Variants in FER1L6 observed in about 807,000 individuals in gnomAD.
FER1L6 encodes the protein fer-1 like family member 6.
In FER1L6, 177 loss-of-function variants were observed where a neutral mutation model predicts 219.2. That is an observed-to-expected ratio of 0.81 (90% confidence interval 0.71 to 0.91). FER1L6 has a LOEUF of 0.91. FER1L6 is among the 40% of genes least tolerant of loss of function. The pLI is 0.00. For missense variants in FER1L6, 2,153 were observed against 2,259.9 expected (o/e 0.95, Z 0.96); for synonymous variants, 768 against 824.3 (o/e 0.93, Z 1.17).
chr8:124,049,465 A>G, intron 21 of FER1L6, 142 bp from the exon 22 acceptor site: 1 of 946,806 alleles, frequency 1.1e-6, no homozygotes, highest in South Asian at 1.7e-5. Flanking sequence ...AATGGGCAAG[A>G]GGAGCTTGGC....
chr8:123,871,626 T>C (rs558403748), intron 1 of FER1L6, among the ~76,000 whole-genome samples: 2 of 152,310 alleles, frequency 1.3e-5, no homozygotes, highest in South Asian at 2.1e-4. Flanking sequence ...GTAAATAGAA[T>C]AGATAAATCT....
chr8:123,854,158 C>A (rs543574360), intron 1 of FER1L6, among the ~76,000 whole-genome samples: 2 of 152,170 alleles, frequency 1.3e-5, no homozygotes, highest in African/African-American at 4.8e-5. Flanking sequence ...ATAACATAAA[C>A]AATGCCTTAT....
chr8:124,107,458 G>A (rs1822827944), intron 39 of FER1L6, among the ~76,000 whole-genome samples: 1 of 152,102 alleles, frequency 6.6e-6, no homozygotes, highest in Non-Finnish European at 1.5e-5. Context: ...TTACACAGTG[G>A]CGAATGGATG....
chr8:123,901,555 TGGTTC>T (rs1197498770), intron 1 of FER1L6, among the ~76,000 whole-genome samples: 2 of 134,726 alleles, frequency 1.5e-5, no homozygotes, highest in African/African-American at 2.8e-5. Flanking sequence ...TGGTTTGGTT[TGGTTC>T]TTGTTTCTCT....
chr8:123,886,376 G>T (rs1248248766), intron 1 of FER1L6, among the ~76,000 whole-genome samples: 1 of 152,160 alleles, frequency 6.6e-6, no homozygotes, highest in Non-Finnish European at 1.5e-5. Flanking sequence ...GCTCTCACAA[G>T]AGTGGATTAT....
intron 1 of FER1L6, among the ~76,000 whole-genome samples, chr8:123,908,003 A>G (rs904877273): frequency 3.9e-5 from 6 of 152,066 alleles, no homozygotes; most frequent in Admixed American, 1.3e-4. Flanking sequence ...TTAGTCTGTG[A>G]ACCTCCCAGA....
intron 39 of FER1L6, among the ~76,000 whole-genome samples, chr8:124,104,794 C>T (rs1048947022): frequency 3.3e-5 from 5 of 152,162 alleles, no homozygotes; most frequent in Non-Finnish European, 5.9e-5. Context: ...TATATACAGA[C>T]TCCTGTTATT....
At chr8:124,064,257 C>T in intron 25 of FER1L6, 90 bp from the exon 26 acceptor site, 1 of 982,920 alleles carries the variant, frequency 1.0e-6, no homozygotes, top group South Asian at 1.4e-5. Flanking sequence ...GTATTTGAAT[C>T]CGAATCTGTC....
intron 1 of FER1L6, among the ~76,000 whole-genome samples, chr8:123,857,082 A>G (rs779009772): frequency 6.6e-6 from 1 of 152,210 alleles, no homozygotes; most frequent in Non-Finnish European, 1.5e-5. Context: ...ACTTTTTCCA[A>G]CCACTGCCAT....
At position 124,070,579 on chromosome 8, in the gene FER1L6, G is replaced by A. The variant is rs770709548; in HGVS notation, c.3947G>A (p.Arg1316Gln). The stretch of plus-strand genomic sequence containing the variant: ...GATGACCATGGTCTTGATGGAGACC[G>A]AGTCATAGGAAAATTTAAGGCAGGT... Reference protein sequence around the residue: ...TEDDHGLDGDRVIGKFKGSFC... With the variant: ...TEDDHGLDGDQVIGKFKGSFC... Residue 1316 changes from arginine (R) to glutamine (Q), a missense_variant, in exon 30 of 41, where the codon CGA (arginine) becomes CAA (glutamine). Transcript: ENST00000522917. The A allele has an allele frequency of 2.1e-5, 34 of 1,588,362 alleles. No individual in the cohort carries two copies. Among genetic ancestry groups the A allele is most frequent in the Non-Finnish European group, 2.7e-5 (32 of 1,171,472 alleles).
chr8:123,859,651 C>A, intron 1 of FER1L6, among the ~76,000 whole-genome samples: 3 of 142,478 alleles, frequency 2.1e-5, no homozygotes, highest in East Asian at 2.0e-4. Context: ...GCTGCACCCA[C>A]TAACTCGTCA....
At chr8:124,073,895 A>T (rs1821176425) in intron 31 of FER1L6, among the ~76,000 whole-genome samples, 1 of 152,202 alleles carries the variant, frequency 6.6e-6, no homozygotes. Context: ...ATGTGACAAG[A>T]AGAAATGGGA....
intron 12 of FER1L6, among the ~76,000 whole-genome samples, chr8:123,987,759 C>T (rs1031771040): frequency 6.6e-6 from 1 of 152,142 alleles, no homozygotes; most frequent in African/African-American, 2.4e-5. Context: ...GTTTTCCCAG[C>T]ACCATTTATT....
intron 11 of FER1L6, among the ~76,000 whole-genome samples, chr8:123,983,681 GA>G (rs1185541625): frequency 6.6e-6 from 1 of 152,176 alleles, no homozygotes; most frequent in Non-Finnish European, 1.5e-5. Flanking sequence ...GCCTGCATTT[GA>G]ACCTGAGTAA....
At chr8:123,997,772 C>T (rs952368885) in intron 12 of FER1L6, among the ~76,000 whole-genome samples, 5 of 151,990 alleles carry the variant, frequency 3.3e-5, no homozygotes, top group African/African-American at 9.7e-5. Context: ...TAATTCTTTC[C>T]ACTTAATTCT....
chr8:123,937,759 G>C (rs1814066487), intron 1 of FER1L6, among the ~76,000 whole-genome samples: 1 of 151,880 alleles, frequency 6.6e-6, no homozygotes, highest in Non-Finnish European at 1.5e-5. Flanking sequence ...TAATAAACTT[G>C]CTTCACTTTT....
chr8:123,893,051 T>C (rs1812679996), intron 1 of FER1L6, among the ~76,000 whole-genome samples: 1 of 152,200 alleles, frequency 6.6e-6, no homozygotes, highest in African/African-American at 2.4e-5. Context: ...GATTATTATG[T>C]TAAATTGTTG....
chr8:123,997,682 T>C (rs1056078219), intron 12 of FER1L6, among the ~76,000 whole-genome samples: 2 of 152,192 alleles, frequency 1.3e-5, no homozygotes, highest in African/African-American at 2.4e-5. Flanking sequence ...CTAGATCTTA[T>C]AGGCATGTTT....
intron 2 of FER1L6, among the ~76,000 whole-genome samples, chr8:123,962,574 T>C (rs771500220): frequency 4.6e-5 from 7 of 152,202 alleles, no homozygotes; most frequent in Non-Finnish European, 8.8e-5. Context: ...TAATGAGGTA[T>C]GCCTGACCTC....
Sources: gnomAD v4.1 joint callset for allele counts (sites outside exome capture counted in the v4.1 genomes callset) on GRCh38, gnomAD v4.1.1 for gene constraint, MANE v1.5 for transcripts, NCBI Gene and HGNC (gene_info 2026-07-23, HGNC 2026-07-21) for gene names.